DNAH12: variants seen among roughly 807,000 people sequenced by gnomAD.
DNAH12 encodes the protein axonemal beta dynein heavy chain 12.
A neutral mutation model predicts 371.5 loss-of-function variants in DNAH12; 285 were observed. That is an observed-to-expected ratio of 0.77 (90% CI 0.70 to 0.85). DNAH12 has a LOEUF of 0.85. Ranked by LOEUF, DNAH12 falls within the 40% of genes least tolerant of loss-of-function variation. DNAH12 has a pLI of 0.00. For synonymous variants in DNAH12, 1,200 were observed against 1,213.0 expected, an observed-to-expected ratio of 0.99 and a Z score of 0.22; for missense variants, 3,611 against 3,689.4, an observed-to-expected ratio of 0.98 and a Z score of 0.55.
intron 60 of DNAH12, among the ~76,000 whole-genome samples, chr3:57,340,039 C>G (rs1458374644): frequency 1.3e-5 from 2 of 151,650 alleles, no homozygotes; most frequent in Admixed American, 6.6e-5. Context: ...CCACTGCACT[C>G]CAGCATGGGG....
At chr3:57,543,004 T>TTTTGGATG in intron 1 of DNAH12, 101 bp from the exon 2 acceptor site, 2 of 847,740 alleles carry the variant, frequency 2.4e-6, no homozygotes, top group Non-Finnish European at 3.3e-6. Flanking sequence ...TTCTAGACAC[T>TTTTGGATG]TTTGGATCTT....
At chr3:57,366,504 C>T (rs1045368474) in intron 57 of DNAH12, among the ~76,000 whole-genome samples, 2 of 152,238 alleles carry the variant, frequency 1.3e-5, no homozygotes, top group East Asian at 1.9e-4. Flanking sequence ...TTTCCTGTAA[C>T]AATGGCAGGT....
At chr3:57,487,752 T>C (rs2066980920) in intron 12 of DNAH12, among the ~76,000 whole-genome samples, 2 of 152,226 alleles carry the variant, frequency 1.3e-5, no homozygotes, top group East Asian at 1.9e-4. Flanking sequence ...GCTGCTTTTA[T>C]ATCATAGCTT....
chr3:57,360,149 C>T (rs878959369), intron 58 of DNAH12, among the ~76,000 whole-genome samples: 116,810 of 151,462 alleles, frequency 0.77, 45,620 homozygotes, highest in African/African-American at 0.87. Context: ...GAACAAGTAG[C>T]AGCTTGTTCT....
chr3:57,329,300 G>C (rs74918306), intron 62 of DNAH12, among the ~76,000 whole-genome samples: 5,428 of 104,030 alleles, frequency 0.052, 90 homozygotes, highest in East Asian at 0.1. Context: ...CACACTACCT[G>C]ACTTCAAACT....
At chr3:57,321,826 T>G (rs984971877) in intron 65 of DNAH12, among the ~76,000 whole-genome samples, 2 of 152,204 alleles carry the variant, frequency 1.3e-5, no homozygotes, top group Non-Finnish European at 2.9e-5. Flanking sequence ...AAATGAGTAC[T>G]CTCTACTGGG....
intron 4 of DNAH12, among the ~76,000 whole-genome samples, chr3:57,516,468 G>A (rs1176496761): frequency 6.6e-6 from 1 of 152,048 alleles, no homozygotes; most frequent in Non-Finnish European, 1.5e-5. Context: ...CCCTACTCCA[G>A]CTCTTCCCTC....
chr3:57,398,381 T>C (rs1360435817), intron 43 of DNAH12, among the ~76,000 whole-genome samples: 1 of 152,124 alleles, frequency 6.6e-6, no homozygotes, highest in Non-Finnish European at 1.5e-5. Context: ...TTTCAAGAAA[T>C]AATGACTGAA....
intron 50 of DNAH12, among the ~76,000 whole-genome samples, chr3:57,380,971 A>C (rs1384394505): frequency 6.6e-6 from 1 of 152,216 alleles, no homozygotes; most frequent in Non-Finnish European, 1.5e-5. Context: ...ATTTCATATA[A>C]GAAAATAAAT....
chr3:57,489,588 C>T lies in DNAH12; in HGVS notation c.1435G>A (p.Gly479Ser). The change falls in exon 12 of 74, where the codon GGC becomes AGC. Residue 479 changes from glycine to serine, a missense_variant. Physicochemically the swap from Gly to Ser is moderately conservative, Grantham distance 56. This residue lies in a region of DNAH12 where 1,314 missense variants were observed against 1,398.7 expected (regional missense o/e 0.94). Transcript: ENST00000495027. ...VRLDCEDLKT[G>S]LTNKAKAFAN... The stretch of plus-strand genomic sequence containing the variant: ...AAGGCTTTTGCTTTATTTGTCAGGC[C>T]TGTCTTCAAATCTTCACAATCCAAA... The T allele has an allele frequency of 6.5e-7, 1 of 1,539,304 alleles. No individual in the cohort carries two copies. Among genetic ancestry groups the T allele is most frequent in the African/African-American group, 1.4e-5 (1 of 72,132 alleles).
chr3:57,507,546 A>G, intron 8 of DNAH12, 97 bp downstream of exon 8: 1 of 863,012 alleles, frequency 1.2e-6, no homozygotes, highest in South Asian at 2.7e-5. Flanking sequence ...TTTTATTTCA[A>G]AATAATTACT....
At chr3:57,552,879 TA>T in the DNAH12 span, among the ~76,000 whole-genome samples, 11 of 151,924 alleles carry the variant, frequency 7.2e-5, no homozygotes, top group African/African-American at 2.7e-4. Flanking sequence ...GACCCTGTCT[TA>T]AAAAAATAAA....
At chr3:57,306,566 C>T (rs2061475889) in intron 69 of DNAH12, among the ~76,000 whole-genome samples, 1 of 152,084 alleles carries the variant, frequency 6.6e-6, no homozygotes, top group Non-Finnish European at 1.5e-5. Flanking sequence ...ATCTCCCCAC[C>T]TTAACCCACA....
At chr3:57,494,290 T>C (rs11130586) in intron 11 of DNAH12, among the ~76,000 whole-genome samples, 101,771 of 152,044 alleles carry the variant, frequency 0.67, 34,291 homozygotes, top group South Asian at 0.75. Context: ...CAGTGTCTCA[T>C]GCCTGTAATC....
chr3:57,359,122 C>A (rs2062864203), intron 58 of DNAH12, among the ~76,000 whole-genome samples: 5 of 152,098 alleles, frequency 3.3e-5, no homozygotes, highest in Non-Finnish European at 7.4e-5. Context: ...AATTAGTATT[C>A]CATGGCTTGA....
chr3:57,470,789 C>T (rs2153380376), intron 15 of DNAH12, among the ~76,000 whole-genome samples, 153 bp from the exon 16 acceptor site: 1 of 152,236 alleles, frequency 6.6e-6, no homozygotes, highest in Admixed American at 6.5e-5. Flanking sequence ...TCACTGCAAC[C>T]TCTGCCCCGC....
At chr3:57,490,641 T>A (rs1452751998) in intron 11 of DNAH12, among the ~76,000 whole-genome samples, 1 of 152,120 alleles carries the variant, frequency 6.6e-6, no homozygotes, top group Non-Finnish European at 1.5e-5. Context: ...CAGGAGAACT[T>A]TCCTTCATGT....
At chr3:57,554,019 T>C in the DNAH12 span, among the ~76,000 whole-genome samples, 1 of 151,786 alleles carries the variant, frequency 6.6e-6, no homozygotes. Context: ...GAGACAGGGT[T>C]TCACCATGTT....
At chr3:57,407,723 G>A (rs550814445) in intron 40 of DNAH12, among the ~76,000 whole-genome samples, 4 of 152,270 alleles carry the variant, frequency 2.6e-5, no homozygotes, top group African/African-American at 4.8e-5. Context: ...TAACACACCC[G>A]AAATAAGTTA....
Sources: gnomAD v4.1 joint callset for allele counts (sites outside exome capture counted in the v4.1 genomes callset) on GRCh38, gnomAD v4.1.1 for gene constraint, gnomAD v4.1.1 regional missense constraint, MANE v1.5 for transcripts, NCBI Gene and HGNC (gene_info 2026-07-23, HGNC 2026-07-21) for gene names.